Variants in MIR2052HG observed in about 807,000 individuals in gnomAD.
MIR2052HG encodes MIR2052 host gene.
At chr8:74,612,841 GT>G in intron 1 of MIR2052HG, 1 of 455,128 alleles carries the variant, frequency 2.2e-6, no homozygotes, top group Non-Finnish European at 4.4e-6. Flanking sequence ...AAACAAAAAT[GT>G]TTTTCTGCAG....
At chr8:74,749,128 A>G (rs1809917622) in intron 4 of MIR2052HG, among the ~76,000 whole-genome samples, 1 of 152,214 alleles carries the variant, frequency 6.6e-6, no homozygotes, top group African/African-American at 2.4e-5. Context: ...AGATTTGTCA[A>G]ATCTACATAA....
At chr8:74,646,496 G>A (rs919467119) in intron 2 of MIR2052HG, among the ~76,000 whole-genome samples, 5 of 152,188 alleles carry the variant, frequency 3.3e-5, no homozygotes, top group Non-Finnish European at 7.3e-5. Flanking sequence ...GACAGAGAGA[G>A]CAAATGCAGG....
chr8:74,632,862 A>G (rs546820630), intron 2 of MIR2052HG, among the ~76,000 whole-genome samples: 164 of 152,140 alleles, frequency 1.1e-3, no homozygotes, highest in Non-Finnish European at 1.6e-3. Flanking sequence ...TGTTTTTATA[A>G]TAGTCTCTGT....
chr8:74,747,271 T>G (rs371636323), intron 4 of MIR2052HG, among the ~76,000 whole-genome samples: 11 of 152,188 alleles, frequency 7.2e-5, no homozygotes, highest in African/African-American at 2.7e-4. Flanking sequence ...CGTAACTGTT[T>G]CATAAGCTGT....
chr8:74,735,616 T>C (rs1809737947), intron 4 of MIR2052HG, among the ~76,000 whole-genome samples: 2 of 152,204 alleles, frequency 1.3e-5, no homozygotes. Flanking sequence ...ATGGTGAAGT[T>C]TGACAGAAAG....
At chr8:74,621,947 C>T (rs939353605) in intron 2 of MIR2052HG, among the ~76,000 whole-genome samples, 1 of 152,156 alleles carries the variant, frequency 6.6e-6, no homozygotes, top group Non-Finnish European at 1.5e-5. Flanking sequence ...TATACAATTA[C>T]TAAAAGAAAT....
At chr8:74,626,139 C>G (rs781422670) in intron 2 of MIR2052HG, among the ~76,000 whole-genome samples, 1 of 152,172 alleles carries the variant, frequency 6.6e-6, no homozygotes, top group Non-Finnish European at 1.5e-5. Flanking sequence ...CCCGGGAGAA[C>G]AGCACCTCCT....
At chr8:74,706,122 T>C (rs1283957852) in intron 4 of MIR2052HG, among the ~76,000 whole-genome samples, 2 of 152,120 alleles carry the variant, frequency 1.3e-5, no homozygotes, top group Non-Finnish European at 2.9e-5. Flanking sequence ...GGAAGTATTA[T>C]TGTCTGGCGT....
intron 4 of MIR2052HG, among the ~76,000 whole-genome samples, chr8:74,746,458 A>G (rs1210777362): frequency 6.6e-6 from 1 of 152,172 alleles, no homozygotes; most frequent in Non-Finnish European, 1.5e-5. Flanking sequence ...GGACAGACAC[A>G]AATAAGTAAA....
At chr8:74,638,776 G>A (rs1183612791) in intron 2 of MIR2052HG, among the ~76,000 whole-genome samples, 1 of 152,124 alleles carries the variant, frequency 6.6e-6, no homozygotes, top group Admixed American at 6.6e-5. Flanking sequence ...GAGTGGGAGT[G>A]AGGGATATAT....
At chr8:74,686,135 G>T (rs1809178840) in intron 2 of MIR2052HG, among the ~76,000 whole-genome samples, 1 of 149,998 alleles carries the variant, frequency 6.7e-6, no homozygotes. Context: ...AACTTCTACT[G>T]TCCTTACTGG....
chr8:74,676,258 A>G (rs1809050369), intron 2 of MIR2052HG, among the ~76,000 whole-genome samples: 1 of 152,074 alleles, frequency 6.6e-6, no homozygotes, highest in Admixed American at 6.6e-5. Context: ...ATAAATAAAT[A>G]GCAGATAAAT....
Position 74,602,849 on chromosome 8 carries a change from C to CTT in MIR2052HG, n.128+2943_128+2944dup, listed in dbSNP as rs1554570048. Among the ~76,000 whole-genome samples, 6 of 142,734 alleles carry CTT rather than the reference C, an allele frequency of 4.2e-5. 1 individual carries two copies. 93.6% of individuals were successfully genotyped at this position (142,734 alleles called of 152,430 possible). A position where few individuals can be genotyped will look rare whatever the true frequency, so the allele number is the denominator to read the frequency against. ...TCTTTCTTTCTTTCTTTCTTTCTTT[C>CTT]TTTCTTTCTTTCTTTCTTTCTTTCT... On this transcript the variant is annotated intron_variant and non_coding_transcript_variant, in intron 1 of 6. Coordinates refer to ENST00000523442, the Ensembl canonical transcript of MIR2052HG.
At chr8:74,705,833 A>G (rs949425508) in intron 4 of MIR2052HG, 1 of 168,548 alleles carries the variant, frequency 5.9e-6, no homozygotes, top group Middle Eastern at 5.2e-4. Flanking sequence ...TATATTTACG[A>G]TAAAACTAGG....
intron 2 of MIR2052HG, among the ~76,000 whole-genome samples, chr8:74,673,587 T>C (rs1300296807): frequency 6.6e-6 from 1 of 151,976 alleles, no homozygotes; most frequent in Non-Finnish European, 1.5e-5. Context: ...GTATCTAGGC[T>C]AAAAGCAGGA....
chr8:74,753,687 G>A (rs1809971984), intron 5 of MIR2052HG, among the ~76,000 whole-genome samples: 1 of 152,108 alleles, frequency 6.6e-6, no homozygotes, highest in African/African-American at 2.4e-5. Flanking sequence ...TGCTGATTAG[G>A]AAATGTTCCA....
rs138902870 is a variant in MIR2052HG, at chr8:74,640,179, C to T, written n.216+27239C>T. Reference sequence around the variant, plus strand: ...GCGGAAATAAGGGTAGACACTGAGGCTGGACACAGTAGCTCACACTTGTAA... The same window carrying T: ...GCGGAAATAAGGGTAGACACTGAGGTTGGACACAGTAGCTCACACTTGTAA... On this transcript the variant is annotated intron_variant and non_coding_transcript_variant, in intron 2 of 6. Transcript: ENST00000523442. Among the ~76,000 whole-genome samples the T allele has an allele frequency of 5.9e-5, 9 of 152,242 alleles. No homozygotes were observed. The East Asian group carries it at 1.5e-3, about 26-fold the overall frequency.
At chr8:74,637,134 A>T (rs1808590159) in intron 2 of MIR2052HG, among the ~76,000 whole-genome samples, 1 of 152,134 alleles carries the variant, frequency 6.6e-6, no homozygotes, top group Non-Finnish European at 1.5e-5. Flanking sequence ...AAATTCAGAA[A>T]GGTTTCATAG....
intron 2 of MIR2052HG, among the ~76,000 whole-genome samples, chr8:74,640,513 G>A (rs918429911): frequency 6.6e-6 from 1 of 150,530 alleles, no homozygotes; most frequent in African/African-American, 2.4e-5. Context: ...TGCTCTCCCT[G>A]GCCTCCGTTT....
Sources: gnomAD v4.1 joint callset for allele counts (sites outside exome capture counted in the v4.1 genomes callset) on GRCh38, gnomAD v4.1.1 for gene constraint, MANE v1.5 for transcripts, NCBI Gene and HGNC (gene_info 2026-07-23, HGNC 2026-07-21) for gene names.